Variants in ITGBL1 observed in about 807,000 individuals in gnomAD.
ITGBL1 encodes integrin subunit beta like 1, also known as integrin beta-like protein 1.
A neutral mutation model predicts 68.5 loss-of-function variants in ITGBL1; 51 were observed. The observed-to-expected ratio is 0.74, with a 90% CI of 0.59 to 0.94. The LOEUF (loss-of-function observed/expected upper bound fraction) is 0.94. ITGBL1 is among the 40% of genes least tolerant of loss of function. The pLI, the probability that ITGBL1 is intolerant of heterozygous loss-of-function variation, is 0.00. For missense variants in ITGBL1, 649 were observed against 647.4 expected, an observed-to-expected ratio of 1.00 and a Z score of -0.03; for synonymous variants, 209 against 227.3, an observed-to-expected ratio of 0.92 and a Z score of 0.72.
At chr13:101,666,360 T>C (rs1269233516) in intron 7 of ITGBL1, among the ~76,000 whole-genome samples, 1 of 152,150 alleles carries the variant, frequency 6.6e-6, no homozygotes, top group Non-Finnish European at 1.5e-5. Context: ...GGGACCGCAC[T>C]GGTTTATCCG....
At chr13:101,618,714 C>A (rs971426587) in intron 7 of ITGBL1, among the ~76,000 whole-genome samples, 6 of 152,126 alleles carry the variant, frequency 3.9e-5, no homozygotes, top group East Asian at 1.9e-4. Flanking sequence ...CTTTTATCAG[C>A]CCTTTAATCT....
intron 2 of ITGBL1, among the ~76,000 whole-genome samples, chr13:101,540,190 A>G (rs866829984): frequency 3.3e-5 from 5 of 152,138 alleles, no homozygotes; most frequent in Non-Finnish European, 5.9e-5. Context: ...TTTTAGGTCT[A>G]ACATTTAAGT....
chr13:101,604,908 A>C (rs2030635977), intron 7 of ITGBL1, among the ~76,000 whole-genome samples: 1 of 125,470 alleles, frequency 8.0e-6, no homozygotes, highest in Non-Finnish European at 1.7e-5. Flanking sequence ...ACACATATAT[A>C]TGTGCATATA....
rs1191587730 is a variant in ITGBL1 at position 101,453,004 on chromosome 13, C to T, written c.98+73C>T. On this transcript the variant is annotated intron_variant, in intron 1 of 10. Transcript: ENST00000376180. The stretch of plus-strand genomic sequence containing the variant: ...GGCAGGGCTCAAGCTTGCAGGATGG[C>T]TGCCCTAAGCCAAGAGCTGTTATTA... 4 of 1,228,132 alleles carry T rather than the reference C, an allele frequency of 3.3e-6. No individual in the cohort carries two copies. The Admixed American group carries it at 5.1e-5, about 16-fold the overall frequency. 76.1% of individuals were successfully genotyped at this position (1,228,132 alleles called of 1,614,324 possible).
intron 7 of ITGBL1, among the ~76,000 whole-genome samples, chr13:101,630,884 T>C (rs929834444): frequency 1.3e-5 from 2 of 152,206 alleles, no homozygotes; most frequent in African/African-American, 4.8e-5. Flanking sequence ...GCTATATCTT[T>C]TACTGCAATC....
At chr13:101,502,393 T>A (rs527959857) in intron 2 of ITGBL1, among the ~76,000 whole-genome samples, 3 of 152,318 alleles carry the variant, frequency 2.0e-5, no homozygotes, top group Admixed American at 2.0e-4. Flanking sequence ...TCAAAAGAGA[T>A]CATTATCTTG....
intron 3 of ITGBL1, among the ~76,000 whole-genome samples, chr13:101,574,792 C>T (rs1331542889): frequency 1.3e-5 from 2 of 152,014 alleles, no homozygotes; most frequent in Non-Finnish European, 2.9e-5. Flanking sequence ...GACTACCATG[C>T]CTCTCTAACG....
chr13:101,598,411 T>G, intron 7 of ITGBL1, 112 bp downstream of exon 7: 1 of 809,674 alleles, frequency 1.2e-6, no homozygotes, highest in South Asian at 4.3e-5. Context: ...TGCTTTTTGG[T>G]TTTTTTGTTT....
intron 2 of ITGBL1, among the ~76,000 whole-genome samples, chr13:101,538,472 T>A (rs767485995): frequency 3.9e-5 from 6 of 151,998 alleles, no homozygotes; most frequent in African/African-American, 1.4e-4. Flanking sequence ...GAAATGAAAA[T>A]TGCTTATAAC....
downstream of ITGBL1, chr13:101,718,640 A>T (rs1413356303): frequency 6.6e-6 from 1 of 152,050 alleles, no homozygotes; most frequent in Non-Finnish European, 1.5e-5. Flanking sequence ...ATAAGAGGAG[A>T]GCCATTATAC....
chr13:101,633,207 A>T (rs2032046608), intron 7 of ITGBL1, among the ~76,000 whole-genome samples: 1 of 152,188 alleles, frequency 6.6e-6, no homozygotes, highest in South Asian at 2.1e-4. Context: ...GTCTGAGTTC[A>T]TTTTAAGCCA....
chr13:101,501,621 T>C (rs961976813), intron 2 of ITGBL1, among the ~76,000 whole-genome samples: 1 of 152,164 alleles, frequency 6.6e-6, no homozygotes, highest in Non-Finnish European at 1.5e-5. Flanking sequence ...CAGAGAATTG[T>C]AATGCCCCAT....
At chr13:101,622,915 A>ATGTGTGTG (rs59267168) in intron 7 of ITGBL1, among the ~76,000 whole-genome samples, 29,060 of 148,246 alleles carry the variant, frequency 0.2, 3,197 homozygotes, top group African/African-American at 0.3. Context: ...TGGGGTATGT[A>ATGTGTGTG]TGTGTGTGTG....
At chr13:101,520,183 AAAT>A (rs1446511568) in intron 2 of ITGBL1, among the ~76,000 whole-genome samples, 2 of 152,198 alleles carry the variant, frequency 1.3e-5, no homozygotes, top group Admixed American at 1.3e-4. Flanking sequence ...TCCCATAAAA[AAAT>A]AATATGAAAG....
chr13:101,637,941 T>G (rs1176702070), intron 7 of ITGBL1, among the ~76,000 whole-genome samples: 1 of 152,224 alleles, frequency 6.6e-6, no homozygotes, highest in Non-Finnish European at 1.5e-5. Context: ...ATTTAATGAT[T>G]ATGAAGAGTA....
intron 7 of ITGBL1, among the ~76,000 whole-genome samples, chr13:101,665,920 G>C (rs935372031): frequency 6.6e-6 from 1 of 152,170 alleles, no homozygotes; most frequent in Non-Finnish European, 1.5e-5. Context: ...GCAACTGCCT[G>C]CCTAACCTTG....
chr13:101,703,602 T>G (rs2034185853), intron 8 of ITGBL1, among the ~76,000 whole-genome samples: 1 of 152,010 alleles, frequency 6.6e-6, no homozygotes, highest in Non-Finnish European at 1.5e-5. Context: ...TTTTCCAACG[T>G]TGTGATGGTG....
At chr13:101,564,068 C>T (rs1002700826) in intron 2 of ITGBL1, among the ~76,000 whole-genome samples, 1 of 151,946 alleles carries the variant, frequency 6.6e-6, no homozygotes, top group Non-Finnish European at 1.5e-5. Flanking sequence ...GCAATTCTCT[C>T]TACTTTTATC....
intron 2 of ITGBL1, among the ~76,000 whole-genome samples, chr13:101,481,198 G>C (rs2139039122): frequency 6.6e-6 from 1 of 151,288 alleles, no homozygotes; most frequent in Non-Finnish European, 1.5e-5. Flanking sequence ...GAGAGAGAGA[G>C]AGAGACTGTG....
Sources: gnomAD v4.1 joint callset for allele counts (sites outside exome capture counted in the v4.1 genomes callset) on GRCh38, gnomAD v4.1.1 for gene constraint, MANE v1.5 for transcripts, NCBI Gene and HGNC (gene_info 2026-07-23, HGNC 2026-07-21) for gene names.